THADA: variants seen among roughly 807,000 people sequenced by gnomAD.
THADA encodes the protein tRNA (32-2'-O)-methyltransferase regulator THADA.
THADA carries 213 observed loss-of-function variants against 219.8 expected under a neutral mutation model. That is an observed-to-expected ratio of 0.97 (90% CI 0.87 to 1.09). The LOEUF is 1.09. THADA is among the 50% of genes least tolerant of loss of function. The pLI, the probability that THADA is intolerant of heterozygous loss-of-function variation, is 0.00. For synonymous variants in THADA, 1,018 were observed against 828.9 expected, an observed-to-expected ratio of 1.23 and a Z score of -3.92; for missense variants, 2,956 against 2,311.3, an observed-to-expected ratio of 1.28 and a Z score of -5.72.
chr2:43,277,887 G>T (rs1217856203), intron 36 of THADA, among the ~76,000 whole-genome samples: 1 of 151,830 alleles, frequency 6.6e-6, no homozygotes. Flanking sequence ...ATATGCTGAA[G>T]GAATGTGAAG....
intron 23 of THADA, among the ~76,000 whole-genome samples, chr2:43,508,439 T>C (rs1321900763): frequency 6.6e-6 from 1 of 152,106 alleles, no homozygotes; most frequent in Non-Finnish European, 1.5e-5. Flanking sequence ...TATTACAAGA[T>C]TGACCTTTTA....
chr2:43,286,900 G>A lies in THADA; in HGVS notation c.5164+8C>T, dbSNP rs377020386. The A allele has an allele frequency of 1.4e-4, 219 of 1,606,588 alleles. No individual in the cohort carries two copies. Among genetic ancestry groups the A allele is most frequent in the East Asian group, 2.9e-4 (13 of 44,650 alleles). On this transcript the variant is annotated splice_region_variant and intron_variant, in intron 35 of 37. Transcript: ENST00000405975. The stretch of plus-strand genomic sequence containing the variant: ...TGGTACAACAGACTTCCGTCTCGGC[G>A]CACTTACCAAGAATAGGATGGGGGT...
In THADA at chr2:43,588,695, T is replaced by C. The variant is rs536662723; in HGVS notation, c.303-1693A>G. On this transcript the variant is annotated intron_variant, in intron 4 of 37. Coordinates refer to ENST00000405975, the MANE Select transcript of THADA (RefSeq NM_022065.5). Reference sequence around the variant, plus strand: ...ATTTAAAGATTGATAGTATCCAATGTTGGAAATATATGAAGAAGAAACAAG... The same window carrying C: ...ATTTAAAGATTGATAGTATCCAATGCTGGAAATATATGAAGAAGAAACAAG... 8.5e-5 allele frequency among the ~76,000 whole-genome samples: 13 copies of C among 152,234 alleles called. No individual in the cohort carries two copies. In the South Asian group the frequency reaches 2.7e-3, roughly 32 times the overall value.
At chr2:43,498,507 G>GTT in intron 25 of THADA, among the ~76,000 whole-genome samples, 1 of 152,090 alleles carries the variant, frequency 6.6e-6, no homozygotes, top group Admixed American at 6.5e-5. Flanking sequence ...AAACAGAAGT[G>GTT]CACTATTATT....
intron 26 of THADA, among the ~76,000 whole-genome samples, chr2:43,470,207 C>CA (rs67659070): frequency 0.053 from 4,272 of 80,260 alleles, 217 homozygotes; most frequent in African/African-American, 0.14. Context: ...GACCTTGTCT[C>CA]AAAAAAAAAA....
chr2:43,566,571 T>G lies in THADA; in HGVS notation c.2311+127A>C, dbSNP rs1698707466. The G allele has an allele frequency of 9.8e-6, 10 of 1,022,572 alleles. No homozygotes were observed. In the East Asian group the frequency reaches 2.3e-4, roughly 23 times the overall value. 63.3% of individuals were successfully genotyped at this position (1,022,572 alleles called of 1,614,324 possible). A position where few individuals can be genotyped will look rare whatever the true frequency, so the allele number is the denominator to read the frequency against. Reference sequence around the variant, plus strand: ...AAATTTCATTATGTACAAGCAAGAATTATAAGGTAAGAATGAAACCTCAAA... The same window carrying G: ...AAATTTCATTATGTACAAGCAAGAAGTATAAGGTAAGAATGAAACCTCAAA... On this transcript the variant is annotated intron_variant, in intron 15 of 37. Coordinates refer to ENST00000405975, the MANE Select transcript of THADA (RefSeq NM_022065.5).
intron 36 of THADA, among the ~76,000 whole-genome samples, chr2:43,248,162 T>TAG (rs1669406546): frequency 8.3e-4 from 37 of 44,398 alleles, no homozygotes; most frequent in Non-Finnish European, 9.6e-4. Context: ...TATATATATA[T>TAG]ATAGAGAGAG....
At chr2:43,288,147 A>T (rs1488316772) in intron 34 of THADA, among the ~76,000 whole-genome samples, 1 of 152,254 alleles carries the variant, frequency 6.6e-6, no homozygotes, top group Admixed American at 6.5e-5. Context: ...GGCCGGGCAC[A>T]GTGGCTCACG....
At chr2:43,575,055 A>G in intron 10 of THADA, 28 bp from the exon 11 acceptor site, 9 of 1,483,644 alleles carry the variant, frequency 6.1e-6, no homozygotes, top group Non-Finnish European at 8.2e-6. Flanking sequence ...ATGAGCCATT[A>G]TTGTAAACTG....
chr2:43,456,635 T>G (rs544074624), intron 26 of THADA, among the ~76,000 whole-genome samples: 1 of 152,100 alleles, frequency 6.6e-6, no homozygotes, highest in East Asian at 1.9e-4. Context: ...AGTGCCTACT[T>G]AGTGGAATTA....
At chr2:43,471,606 T>A (rs1475098238) in intron 26 of THADA, among the ~76,000 whole-genome samples, 2 of 152,196 alleles carry the variant, frequency 1.3e-5, no homozygotes, top group African/African-American at 4.8e-5. Flanking sequence ...GGAAACCTCT[T>A]GTAAACAGCA....
At chr2:43,577,431 G>C (rs72867061) in intron 9 of THADA, among the ~76,000 whole-genome samples, 189 bp from the exon 10 acceptor site, 2 of 151,736 alleles carry the variant, frequency 1.3e-5, no homozygotes, top group African/African-American at 4.8e-5. Flanking sequence ...CATCAAGTAC[G>C]AGAATGATTT....
intron 22 of THADA, among the ~76,000 whole-genome samples, chr2:43,510,505 G>C (rs745588945): frequency 6.6e-6 from 1 of 152,026 alleles, no homozygotes; most frequent in Non-Finnish European, 1.5e-5. Flanking sequence ...TAAATGTCTT[G>C]TGTTTTGTGA....
chr2:43,342,788 C>T (rs1197549642), intron 30 of THADA, among the ~76,000 whole-genome samples: 4 of 152,046 alleles, frequency 2.6e-5, no homozygotes, highest in African/African-American at 4.8e-5. Flanking sequence ...TTTTTGTATC[C>T]CTATATCTCC....
intron 32 of THADA, 142 bp from the exon 33 acceptor site, chr2:43,292,364 C>T (rs1048052700): frequency 5.2e-6 from 3 of 580,602 alleles, no homozygotes; most frequent in Non-Finnish European, 8.9e-6. Context: ...CCCCATAATA[C>T]CTTTGGGAGA....
At chr2:43,346,837 G>A (rs1667678179) in intron 29 of THADA, among the ~76,000 whole-genome samples, 1 of 152,190 alleles carries the variant, frequency 6.6e-6, no homozygotes, top group Non-Finnish European at 1.5e-5. Context: ...CTGCATGGCA[G>A]CATCGTCATC....
In THADA at chr2:43,231,442, C is replaced by T. The variant is rs901970710; in HGVS notation, c.5467-99G>A. ...CCCTGCCAGATGCAAGAGGGGTTTC[C>T]CTTCCCCCACCTGACAGAGGGTGCA... On this transcript the variant is annotated intron_variant, in intron 37 of 37. Coordinates refer to ENST00000405975, the MANE Select transcript of THADA (RefSeq NM_022065.5). The T allele has an allele frequency of 5.6e-6, 7 of 1,243,990 alleles. No individual in the cohort carries two copies. In the African/African-American group the frequency reaches 1.1e-4, roughly 19 times the overall value. The allele number at this position is 1,243,990 out of a possible 1,614,324, so 77.1% of individuals were successfully genotyped here.
chr2:43,305,894 C>T (rs1309922795), intron 31 of THADA, among the ~76,000 whole-genome samples: 2 of 152,066 alleles, frequency 1.3e-5, no homozygotes, highest in Non-Finnish European at 2.9e-5. Context: ...TTCCTTTCCC[C>T]TTTTCTTTCT....
At chr2:43,365,431 C>T (rs962864470) in intron 29 of THADA, among the ~76,000 whole-genome samples, 15 of 151,898 alleles carry the variant, frequency 9.9e-5, no homozygotes, top group East Asian at 3.9e-4. Flanking sequence ...ATTAGCTGGG[C>T]GTGGTGGCAG....
Sources: allele counts gnomAD v4.1 joint callset (sites outside exome capture counted in the v4.1 genomes callset), GRCh38; gene constraint gnomAD v4.1.1; transcripts MANE v1.5; gene names NCBI Gene and HGNC (gene_info 2026-07-23, HGNC 2026-07-21).